Variants in NAALADL2 observed in about 807,000 individuals in gnomAD.
NAALADL2 encodes inactive N-acetylated-alpha-linked acidic dipeptidase-like protein 2.
NAALADL2 carries 76 observed loss-of-function variants against 87.2 expected under a neutral mutation model. That is an observed-to-expected ratio of 0.87 (90% CI 0.72 to 1.05). NAALADL2 has a LOEUF of 1.05. Ranked by LOEUF, NAALADL2 falls within the 50% of genes least tolerant of loss-of-function variation. The probability of loss-of-function intolerance (pLI) is 0.00; values close to 1 mark genes in which losing one functional copy is unlikely to be tolerated. For missense variants in NAALADL2, 1,089 were observed against 945.8 expected, an observed-to-expected ratio of 1.15 and a Z score of -1.99; for synonymous variants, 354 against 331.0, an observed-to-expected ratio of 1.07 and a Z score of -0.75.
intron 11 of NAALADL2, among the ~76,000 whole-genome samples, chr3:175,674,661 T>A (rs1296082024): frequency 6.6e-6 from 1 of 152,160 alleles, no homozygotes; most frequent in Non-Finnish European, 1.5e-5. Flanking sequence ...AACTTCTTAT[T>A]GGGTTGGATC....
chr3:174,441,430 C>T (rs1714609879), intron 1 of NAALADL2, among the ~76,000 whole-genome samples: 1 of 152,168 alleles, frequency 6.6e-6, no homozygotes, highest in Admixed American at 6.5e-5. Flanking sequence ...ATGCAGTGCA[C>T]GCCGGCCAGG....
At chr3:174,980,268 C>A (rs1186946063) in intron 1 of NAALADL2, among the ~76,000 whole-genome samples, 2 of 152,126 alleles carry the variant, frequency 1.3e-5, no homozygotes, top group East Asian at 1.9e-4. Context: ...TTCCCATAAC[C>A]TGCTATGATA....
At chr3:175,002,668 C>T (rs1748408050) in intron 1 of NAALADL2, among the ~76,000 whole-genome samples, 1 of 152,172 alleles carries the variant, frequency 6.6e-6, no homozygotes, top group Admixed American at 6.5e-5. Context: ...TAAAGAATCT[C>T]TGCTGATCAT....
chr3:174,607,163 T>G (rs1443077586), intron 2 of NAALADL2, among the ~76,000 whole-genome samples: 2 of 151,680 alleles, frequency 1.3e-5, no homozygotes, highest in African/African-American at 2.4e-5. Flanking sequence ...GCTCCTGAAG[T>G]AAGTACTAAA....
chr3:174,693,326 A>C (rs1324680016), intron 2 of NAALADL2, among the ~76,000 whole-genome samples: 1 of 152,176 alleles, frequency 6.6e-6, no homozygotes, highest in African/African-American at 2.4e-5. Flanking sequence ...ACTTGGTAGA[A>C]GTGGACCATA....
intron 2 of NAALADL2, among the ~76,000 whole-genome samples, chr3:175,210,529 A>C (rs1741616377): frequency 6.6e-6 from 1 of 151,792 alleles, no homozygotes; most frequent in Admixed American, 6.6e-5. Flanking sequence ...ATATGTAATT[A>C]TATATTAAAT....
chr3:175,249,605 C>A (rs1449570896), intron 3 of NAALADL2, among the ~76,000 whole-genome samples: 1 of 152,026 alleles, frequency 6.6e-6, no homozygotes, highest in Non-Finnish European at 1.5e-5. Context: ...CTTCTGGAAA[C>A]AAAAATTATT....
At chr3:175,662,115 A>G (rs1732340072) in intron 11 of NAALADL2, among the ~76,000 whole-genome samples, 1 of 151,846 alleles carries the variant, frequency 6.6e-6, no homozygotes, top group African/African-American at 2.4e-5. Flanking sequence ...CCAATTTCCC[A>G]CGAACATCAG....
At chr3:174,485,044 A>G (rs1051518557) in intron 1 of NAALADL2, among the ~76,000 whole-genome samples, 13 of 152,016 alleles carry the variant, frequency 8.6e-5, no homozygotes, top group Admixed American at 8.5e-4. Context: ...ATTATAATAT[A>G]CCCTTTCATA....
At chr3:175,096,198 C>T (rs1018890003) in intron 1 of NAALADL2, among the ~76,000 whole-genome samples, 2 of 152,044 alleles carry the variant, frequency 1.3e-5, no homozygotes, top group East Asian at 1.9e-4. Flanking sequence ...ACTTAAGAAT[C>T]TGTAACATAA....
chr3:175,301,273 C>T (rs1002207847), intron 4 of NAALADL2, among the ~76,000 whole-genome samples: 1 of 151,948 alleles, frequency 6.6e-6, no homozygotes, highest in East Asian at 1.9e-4. Flanking sequence ...TATCCCTCCC[C>T]TTGTTCCCAA....
intron 3 of NAALADL2, among the ~76,000 whole-genome samples, chr3:174,797,298 C>CTTTTCT (rs1718221175): frequency 1.0e-5 from 1 of 97,728 alleles, no homozygotes; most frequent in East Asian, 3.4e-4. Context: ...TTTTGTTTTT[C>CTTTTCT]TTTTTTCTTT....
At chr3:174,743,808 T>A (rs1028888565) in intron 3 of NAALADL2, among the ~76,000 whole-genome samples, 1 of 129,924 alleles carries the variant, frequency 7.7e-6, no homozygotes, top group Non-Finnish European at 1.8e-5. Context: ...AAGAACATAT[T>A]TTTTTTTCAT....
chr3:175,533,820 T>C (rs956159110), intron 9 of NAALADL2, among the ~76,000 whole-genome samples: 7 of 152,122 alleles, frequency 4.6e-5, no homozygotes, highest in African/African-American at 1.2e-4. Flanking sequence ...CTTAGCAGAT[T>C]TGAGGCTGAG....
intron 2 of NAALADL2, among the ~76,000 whole-genome samples, chr3:175,117,878 A>G (rs564564524): frequency 1.3e-5 from 2 of 152,230 alleles, no homozygotes; most frequent in East Asian, 1.9e-4. Context: ...ATGTCCATCA[A>G]TGGTAGACTG....
At chr3:175,802,588 T>A (rs899433164) in intron 13 of NAALADL2, among the ~76,000 whole-genome samples, 2 of 152,092 alleles carry the variant, frequency 1.3e-5, no homozygotes, top group Admixed American at 6.6e-5. Context: ...TTGAATAAAC[T>A]GGGTCATTTG....
intron 9 of NAALADL2, among the ~76,000 whole-genome samples, chr3:175,564,285 G>A (rs551462706): frequency 3.3e-5 from 5 of 152,070 alleles, no homozygotes; most frequent in East Asian, 1.9e-4. Context: ...ATGCTAATAC[G>A]CAAAATAATT....
At chr3:175,605,173 C>T (rs1370789914) in intron 10 of NAALADL2, among the ~76,000 whole-genome samples, 1 of 152,154 alleles carries the variant, frequency 6.6e-6, no homozygotes, top group African/African-American at 2.4e-5. Flanking sequence ...TGCCACCAGA[C>T]CCTTTGCAGC....
chr3:175,041,033 C>T (rs1403748381), intron 1 of NAALADL2, among the ~76,000 whole-genome samples: 1 of 152,036 alleles, frequency 6.6e-6, no homozygotes, highest in Non-Finnish European at 1.5e-5. Flanking sequence ...GCTTTTTATT[C>T]GTGCCATAAC....
Sources: gnomAD v4.1 joint callset for allele counts (sites outside exome capture counted in the v4.1 genomes callset) on GRCh38, gnomAD v4.1.1 for gene constraint, MANE v1.5 for transcripts, NCBI Gene and HGNC (gene_info 2026-07-23, HGNC 2026-07-21) for gene names.